The following PAPSS2 variants were observed in gnomAD, a reference collection of about 807,000 sequenced individuals.
PAPSS2 encodes bifunctional 3'-phosphoadenosine 5'-phosphosulfate synthase 2.
A neutral mutation model predicts 66.5 loss-of-function variants in PAPSS2; 61 were observed. The ratio of observed to expected loss-of-function variants is 0.92; its 90% CI spans 0.75 to 1.14. PAPSS2 has a LOEUF of 1.14. Among genes scored for constraint, PAPSS2 ranks in the 50% most tolerant of loss-of-function variants. PAPSS2 has a pLI of 0.00. For missense variants in PAPSS2, 708 were observed against 789.6 expected (o/e 0.90, Z 1.24); for synonymous variants, 289 against 287.5 (o/e 1.01, Z -0.05).
intron 1 of PAPSS2, among the ~76,000 whole-genome samples, chr10:87,682,463 C>T (rs1853033877): frequency 6.6e-6 from 1 of 152,200 alleles, no homozygotes; most frequent in South Asian, 2.1e-4. Context: ...TATAAAACCC[C>T]TTCCATCAAT....
chr10:87,674,839 G>GT (rs1337107679), intron 1 of PAPSS2, among the ~76,000 whole-genome samples: 1 of 151,992 alleles, frequency 6.6e-6, no homozygotes, highest in Non-Finnish European at 1.5e-5. Flanking sequence ...GCAATCCTTT[G>GT]TGTTTTATGC....
At chr10:87,709,878 G>A (rs935292626) in intron 2 of PAPSS2, among the ~76,000 whole-genome samples, 1 of 152,156 alleles carries the variant, frequency 6.6e-6, no homozygotes, top group Non-Finnish European at 1.5e-5. Context: ...GAAATAACTT[G>A]CTGCTGCTGA....
intron 8 of PAPSS2, among the ~76,000 whole-genome samples, chr10:87,723,819 T>A (rs563184267): frequency 6.6e-6 from 1 of 152,332 alleles, no homozygotes; most frequent in South Asian, 2.1e-4. Context: ...ACTCTAATCT[T>A]TAACTCTGTC....
chr10:87,678,082 A>T (rs1222096511), intron 1 of PAPSS2, among the ~76,000 whole-genome samples: 2 of 152,218 alleles, frequency 1.3e-5, no homozygotes, highest in African/African-American at 4.8e-5. Flanking sequence ...TATAATACAC[A>T]TTCAGATACT....
chr10:87,669,721 T>A (rs546980729), intron 1 of PAPSS2, among the ~76,000 whole-genome samples: 1 of 152,240 alleles, frequency 6.6e-6, no homozygotes, highest in Non-Finnish European at 1.5e-5. Flanking sequence ...GGTTAACTCA[T>A]TGACTCTTCA....
intron 10 of PAPSS2, among the ~76,000 whole-genome samples, chr10:87,742,545 A>C (rs1275018595): frequency 1.3e-5 from 2 of 152,166 alleles, no homozygotes; most frequent in Non-Finnish European, 2.9e-5. Flanking sequence ...GAAAGTATTC[A>C]TTTTCAATAC....
intron 1 of PAPSS2, among the ~76,000 whole-genome samples, chr10:87,698,951 A>G (rs184212837): frequency 6.6e-6 from 1 of 152,352 alleles, no homozygotes; most frequent in East Asian, 1.9e-4. Context: ...ACCAATAACC[A>G]TAGTATTGGA....
At chr10:87,660,688 G>A (rs1160094585) in intron 1 of PAPSS2, among the ~76,000 whole-genome samples, 6 of 151,482 alleles carry the variant, frequency 4.0e-5, no homozygotes, top group Non-Finnish European at 8.8e-5. Flanking sequence ...CCTTTAATGG[G>A]AAATATGAGG....
At chr10:87,740,481 T>A (rs1455740115) in intron 9 of PAPSS2, among the ~76,000 whole-genome samples, 1 of 152,232 alleles carries the variant, frequency 6.6e-6, no homozygotes, top group Non-Finnish European at 1.5e-5. Context: ...AGTTTCTAAT[T>A]GGCCAATATG....
At chr10:87,674,967 C>T (rs147370343) in intron 1 of PAPSS2, among the ~76,000 whole-genome samples, 2 of 152,316 alleles carry the variant, frequency 1.3e-5, no homozygotes, top group African/African-American at 4.8e-5. Flanking sequence ...CACACACAGA[C>T]ACAGATACAC....
At chr10:87,707,564 CTTTTTT>C (rs747152482) in intron 1 of PAPSS2, among the ~76,000 whole-genome samples, 14 of 93,974 alleles carry the variant, frequency 1.5e-4, no homozygotes, top group South Asian at 3.6e-4. Flanking sequence ...TCTTTTTTTT[CTTTTTT>C]TTTTTTTTTT....
intron 10 of PAPSS2, 100 bp downstream of exon 10, chr10:87,741,470 C>T: frequency 2.1e-6 from 2 of 960,514 alleles, no homozygotes; most frequent in South Asian, 2.7e-5. Context: ...TCTCAGCTCA[C>T]TGCAACCTCT....
At chr10:87,670,562 C>G (rs1210186002) in intron 1 of PAPSS2, among the ~76,000 whole-genome samples, 1 of 141,876 alleles carries the variant, frequency 7.0e-6, no homozygotes, top group Non-Finnish European at 1.5e-5. Flanking sequence ...GAGATGATTG[C>G]ATAAAAAGAT....
intron 1 of PAPSS2, among the ~76,000 whole-genome samples, chr10:87,675,967 A>ATTT (rs1370374138): frequency 2.3e-5 from 2 of 86,982 alleles, no homozygotes; most frequent in African/African-American, 4.1e-5. Context: ...CCCTTTCCAC[A>ATTT]TTTCTTTTTT....
intron 1 of PAPSS2, among the ~76,000 whole-genome samples, chr10:87,679,638 A>G (rs1852992520): frequency 6.6e-6 from 1 of 152,220 alleles, no homozygotes; most frequent in Non-Finnish European, 1.5e-5. Context: ...ACAAAAGTCA[A>G]AAGACAAGCG....
At chr10:87,716,165 C>T (rs1032448518) in intron 7 of PAPSS2, among the ~76,000 whole-genome samples, 1 of 152,148 alleles carries the variant, frequency 6.6e-6, no homozygotes, top group Admixed American at 6.6e-5. Flanking sequence ...ACCATTGCCA[C>T]CTGCTAGGGA....
chr10:87,727,018 A>G (rs1447649184), intron 8 of PAPSS2, among the ~76,000 whole-genome samples: 2 of 152,240 alleles, frequency 1.3e-5, no homozygotes, highest in Non-Finnish European at 2.9e-5. Context: ...AGGCGTTTCC[A>G]AAGTTAGATC....
intron 1 of PAPSS2, among the ~76,000 whole-genome samples, chr10:87,675,927 T>C (rs1296551340): frequency 6.6e-6 from 1 of 151,656 alleles, no homozygotes; most frequent in African/African-American, 2.4e-5. Context: ...CCGGCTCAGA[T>C]GAGTTTTCTC....
intron 10 of PAPSS2, among the ~76,000 whole-genome samples, 180 bp from the exon 11 acceptor site, chr10:87,743,193 C>T (rs909023801): frequency 2.7e-4 from 41 of 149,800 alleles, no homozygotes; most frequent in Admixed American, 1.3e-4. Context: ...TTGCAGTGAC[C>T]TGAGATCGCT....
Sources: allele counts gnomAD v4.1 joint callset (sites outside exome capture counted in the v4.1 genomes callset), GRCh38; gene constraint gnomAD v4.1.1; transcripts MANE v1.5; gene names NCBI Gene and HGNC (gene_info 2026-07-23, HGNC 2026-07-21).